NAV1: variants seen among roughly 807,000 people sequenced by gnomAD.
NAV1 encodes pore membrane and/or filament interacting like protein 3.
A neutral mutation model predicts 175.2 loss-of-function variants in NAV1; 18 were observed. The ratio of observed to expected loss-of-function variants is 0.10; its 90% confidence interval spans 0.07 to 0.15. NAV1 has a LOEUF of 0.15. Ranked by LOEUF, NAV1 falls within the 10% of genes least tolerant of loss-of-function variation. The pLI is 1.00. For synonymous variants in NAV1, 897 were observed against 978.7 expected, an observed-to-expected ratio of 0.92 and a Z score of 1.56; for missense variants, 1,731 against 2,436.6, an observed-to-expected ratio of 0.71 and a Z score of 6.10.
intron 3 of NAV1, among the ~76,000 whole-genome samples, chr1:201,748,563 A>G (rs1386202643): frequency 6.6e-6 from 1 of 152,214 alleles, no homozygotes; most frequent in East Asian, 1.9e-4. Context: ...AGTCTCTTGC[A>G]GGAGGGAGGA....
Position 201,782,874 on chromosome 1 carries a change from CCAATGTGGGCA to C in NAV1, c.2357+6_2357+16del, listed in dbSNP as rs1243056119. ...GCTGCCACCAACCCCTCTCAGGTAC[CCAATGTGGGCA>C]GCCGCCTCCTTGTCTGTTTGCTTTG... On this transcript the variant is annotated splice_donor_region_variant and intron_variant, in intron 6 of 29. Transcript: ENST00000367296. This position sits in a 1 kb window ranked among gnomAD's most constrained non-coding sequence, Gnocchi z 5.4. The C allele has an allele frequency of 6.4e-7, 1 of 1,559,336 alleles. No individual in the cohort carries two copies. The highest frequency in any genetic ancestry group is 1.9e-5 in the Admixed American group (1 of 51,292).
At chr1:201,611,339 C>A (rs1667839884) in intron 2 of NAV1, among the ~76,000 whole-genome samples, 1 of 152,206 alleles carries the variant, frequency 6.6e-6, no homozygotes, top group African/African-American at 2.4e-5. Flanking sequence ...GCGCTCCCCA[C>A]CACGACATCT....
chr1:201,821,419 T>A (rs1432927786), exon 30 of NAV1: 1 of 152,562 alleles, frequency 6.6e-6, no homozygotes, highest in African/African-American at 2.4e-5. Context: ...CCTTTCCCAT[T>A]GCCTTGAAGG....
At chr1:201,676,356 A>AAAC (rs1295502301) in intron 1 of NAV1, among the ~76,000 whole-genome samples, 4 of 152,030 alleles carry the variant, frequency 2.6e-5, no homozygotes, top group Non-Finnish European at 5.9e-5. Context: ...GGGCTCAGGG[A>AAAC]CTCTTTCTCT....
intron 3 of NAV1, among the ~76,000 whole-genome samples, chr1:201,762,039 A>G (rs1301000914): frequency 6.6e-6 from 1 of 152,190 alleles, no homozygotes; most frequent in Non-Finnish European, 1.5e-5. Context: ...ACCCGCATGT[A>G]GTCCCACCTA....
chr1:201,658,649 T>C (rs1669496054), intron 1 of NAV1, among the ~76,000 whole-genome samples: 2 of 152,154 alleles, frequency 1.3e-5, no homozygotes, highest in South Asian at 4.1e-4. Context: ...CTGTAGGCTC[T>C]GAGCAGATAT....
At chr1:201,759,813 C>T (rs1041291704) in intron 3 of NAV1, among the ~76,000 whole-genome samples, 1 of 152,148 alleles carries the variant, frequency 6.6e-6, no homozygotes, top group African/African-American at 2.4e-5. Flanking sequence ...CTTAAATTCT[C>T]CTACCTTCTC....
chr1:201,615,210 G>T (rs1004895039), intron 2 of NAV1, among the ~76,000 whole-genome samples: 1 of 151,868 alleles, frequency 6.6e-6, no homozygotes, highest in Non-Finnish European at 1.5e-5. Context: ...GGACGGAGGA[G>T]GTATGGCTGT....
exon 9 of NAV1, chr1:201,786,538 C>T: frequency 6.2e-7 from 1 of 1,613,860 alleles, no homozygotes; most frequent in East Asian, 2.2e-5. Context: ...CCCTGCACTT[C>T]CCATGTCTCT....
intron 2 of NAV1, among the ~76,000 whole-genome samples, chr1:201,602,213 C>T (rs1475355111): frequency 6.6e-6 from 1 of 152,232 alleles, no homozygotes; most frequent in East Asian, 1.9e-4. Context: ...CTTGCTGCTG[C>T]AGTTTCAAGC....
chr1:201,630,255 G>T (rs1403211324), intron 2 of NAV1, among the ~76,000 whole-genome samples: 1 of 152,208 alleles, frequency 6.6e-6, no homozygotes, highest in Admixed American at 6.5e-5. Flanking sequence ...ATTCACACCA[G>T]GGGTACATGA....
intron 1 of NAV1, among the ~76,000 whole-genome samples, chr1:201,667,766 G>A (rs369445018): frequency 1.3e-5 from 2 of 152,156 alleles, no homozygotes; most frequent in Admixed American, 6.5e-5. Context: ...AAGTCACTCC[G>A]CAGTTCCTCC....
rs149643745 is a variant in NAV1 at position 201,782,783 on chromosome 1, T to G, written c.2271T>G (p.Ser757Arg). The G allele has an allele frequency of 6.2e-7, 1 of 1,613,518 alleles. No individual in the cohort carries two copies. Among genetic ancestry groups the G allele is most frequent in the Admixed American group, 1.7e-5 (1 of 59,944 alleles). ...ACTCAGACAACATCTCCTTGAAGAG[T>G]ATTGGCTCCCCAGAAAGTACTCCCA... is the stretch of plus-strand genomic sequence containing the variant. The change falls in exon 6 of 30, where the codon AGT (serine) becomes AGG (arginine). Residue 757 changes from serine (S) to arginine (R), a missense_variant. Ser to Arg is a moderately radical substitution (Grantham distance 110, BLOSUM62 -1). Around this residue, in one of 13 missense-constraint regions of NAV1, gnomAD observed 634 missense variants for 766.8 expected, o/e 0.83. Coordinates refer to ENST00000367296, the Ensembl canonical transcript of NAV1. This position sits in a 1 kb window ranked among gnomAD's most constrained non-coding sequence, Gnocchi z 5.4.
Position 201,756,818 on chromosome 1 carries a change from T to TTCTTTC in NAV1, c.1227-23601_1227-23596dup, listed in dbSNP as rs1407844807. ...TCTCTTTCTTTCTTTCCTTCTTTCT[T>TTCTTTC]TCTTTCTTTCTTTCTTTCTTTCTTT... On this transcript the variant is annotated intron_variant, in intron 3 of 29. Coordinates refer to ENST00000367296, the Ensembl canonical transcript of NAV1. 1.5e-3 allele frequency among the ~76,000 whole-genome samples: 15 copies of TTCTTTC among 9,890 alleles called. 1 individual carries two copies. Among genetic ancestry groups the TTCTTTC allele is most frequent in the South Asian group, 7.4e-3 (3 of 406 alleles). 6.5% of individuals were successfully genotyped at this position (9,890 alleles called of 152,430 possible).
rs1673327960 is a variant in NAV1, at chr1:201,740,254, A to T, written c.1226+21499A>T. The stretch of plus-strand genomic sequence containing the variant: ...CGCGCTCGCTTTTCCGCCAGAGAGG[A>T]GTGCCTGCGCCGCCGGAGCCTCCGA... On this transcript the variant is annotated intron_variant, in intron 3 of 29. Transcript: ENST00000367296. The surrounding 1 kb of genome is among the most constrained non-coding windows in gnomAD (Gnocchi z 4.7). Among the ~76,000 whole-genome samples, 1 of 152,134 alleles carries T rather than the reference A, an allele frequency of 6.6e-6. No individual in the cohort carries two copies.
intron 1 of NAV1, among the ~76,000 whole-genome samples, chr1:201,551,915 G>T (rs1404462529): frequency 6.6e-6 from 1 of 152,170 alleles, no homozygotes; most frequent in African/African-American, 2.4e-5. Context: ...GTGAGATCCA[G>T]TGTCTCTCTG....
chr1:201,658,311 G>A (rs1235560478), intron 1 of NAV1, among the ~76,000 whole-genome samples: 1 of 152,096 alleles, frequency 6.6e-6, no homozygotes, highest in East Asian at 1.9e-4. Context: ...AATGCAGCAT[G>A]CTGCGAAGAA....
Position 201,789,024 on chromosome 1 carries a change from A to AGG in NAV1, c.3166+386_3166+387insGG, listed in dbSNP as rs2102737758. Among the ~76,000 whole-genome samples, 3 of 152,332 alleles carry AGG rather than the reference A, an allele frequency of 2.0e-5. No individual in the cohort carries two copies. In the South Asian group the frequency reaches 6.2e-4, roughly 32 times the overall value. On this transcript the variant is annotated intron_variant, in intron 10 of 29. Coordinates refer to ENST00000367296, the Ensembl canonical transcript of NAV1. ...AAACAGGACATAATAGTAGCTCTTAATAAATCCTTACAAATAATTAGGCAT... is the reference window on the plus strand; with the variant it reads ...AAACAGGACATAATAGTAGCTCTTAAGGTAAATCCTTACAAATAATTAGGCAT...
At chr1:201,792,282 A>G (rs1282211596) in intron 13 of NAV1, 1 of 151,880 alleles carries the variant, frequency 6.6e-6, no homozygotes, top group African/African-American at 2.4e-5. Context: ...ACTCCAAACC[A>G]AACTTTTGTC....
Sources: allele counts gnomAD v4.1 joint callset (sites outside exome capture counted in the v4.1 genomes callset), GRCh38; gene constraint gnomAD v4.1.1; regional missense constraint gnomAD v4.1.1; non-coding constraint Gnocchi (gnomAD v3.1); transcripts MANE v1.5; gene names NCBI Gene and HGNC (gene_info 2026-07-23, HGNC 2026-07-21).